CNNM2: variants seen among roughly 807,000 people sequenced by gnomAD.
CNNM2 encodes the protein cyclin and CBS domain divalent metal cation transport mediator 2.
A neutral mutation model predicts 66.9 loss-of-function variants in CNNM2; 12 were observed. That is an observed-to-expected ratio of 0.18 (90% CI 0.11 to 0.29). The LOEUF (loss-of-function observed/expected upper bound fraction) is 0.29, where lower values mean the gene tolerates loss of function less well. Among genes scored for constraint, CNNM2 ranks in the 10% least tolerant of loss-of-function variants. CNNM2 has a pLI of 1.00. For missense variants in CNNM2, 705 were observed against 1,167.7 expected (o/e 0.60, Z 5.77); for synonymous variants, 557 against 501.8 (o/e 1.11, Z -1.47).
chr10:102,996,315 T>C (rs2134249126), intron 1 of CNNM2, among the ~76,000 whole-genome samples: 1 of 152,264 alleles, frequency 6.6e-6, no homozygotes, highest in East Asian at 1.9e-4. Flanking sequence ...CCCTCTTGTA[T>C]CCCTATATTC....
rs114389504 is a variant in CNNM2, at chr10:102,941,061, C to T, written c.1621+20960C>T. 6.5e-3 allele frequency among the ~76,000 whole-genome samples: 984 copies of T among 151,992 alleles called. 8 individuals carry two copies. The highest frequency in any genetic ancestry group is 0.022 in the African/African-American group (928 of 41,440). ...GTGATACAGAATGTGTGAGCCATTG[C>T]GCCCAGCCTAGAAATACATTTTAAA... On this transcript the variant is annotated intron_variant, in intron 1 of 7. Transcript: ENST00000369878.
chr10:103,045,409 T>A (rs1171970582), intron 1 of CNNM2, among the ~76,000 whole-genome samples: 1 of 152,186 alleles, frequency 6.6e-6, no homozygotes, highest in Non-Finnish European at 1.5e-5. Flanking sequence ...AGAAGCTGAC[T>A]TAGACTGCCA....
intron 1 of CNNM2, among the ~76,000 whole-genome samples, chr10:103,037,226 C>G (rs2064957726): frequency 6.7e-6 from 1 of 148,380 alleles, no homozygotes; most frequent in African/African-American, 2.5e-5. Context: ...ATATTTAGCC[C>G]TGTGTTGGGA....
intron 1 of CNNM2, among the ~76,000 whole-genome samples, chr10:103,031,778 A>G (rs916025687): frequency 9.2e-5 from 14 of 151,442 alleles, no homozygotes; most frequent in Admixed American, 9.2e-4. Flanking sequence ...TTCCACTAGA[A>G]CCTTTTTAGG....
chr10:102,982,591 C>A (rs1372863135), intron 1 of CNNM2, among the ~76,000 whole-genome samples: 2 of 152,192 alleles, frequency 1.3e-5, no homozygotes, highest in African/African-American at 2.4e-5. Flanking sequence ...CCTGTGTAAT[C>A]AAGACTGTAA....
At chr10:102,960,023 A>T (rs2063354619) in intron 1 of CNNM2, among the ~76,000 whole-genome samples, 1 of 151,868 alleles carries the variant, frequency 6.6e-6, no homozygotes. Context: ...CCCCACTCCA[A>T]CCTGGGCGAC....
At chr10:103,037,701 A>C (rs1159919153) in intron 1 of CNNM2, among the ~76,000 whole-genome samples, 1 of 152,224 alleles carries the variant, frequency 6.6e-6, no homozygotes, top group Non-Finnish European at 1.5e-5. Context: ...TTTAGGACAA[A>C]TATAAAATAT....
At chr10:103,028,827 T>C (rs1286815478) in intron 1 of CNNM2, among the ~76,000 whole-genome samples, 366 of 123,960 alleles carry the variant, frequency 3.0e-3, no homozygotes, top group African/African-American at 8.1e-3. Flanking sequence ...TTTTTTTTTT[T>C]CTTTTTTTTT....
At chr10:102,924,877 A>G (rs1845796865) in intron 1 of CNNM2, among the ~76,000 whole-genome samples, 3 of 152,242 alleles carry the variant, frequency 2.0e-5, no homozygotes, top group Non-Finnish European at 2.9e-5. Context: ...CATACATTAA[A>G]TGATTGTAAT....
At chr10:102,933,720 A>AATTT (rs1462014517) in intron 1 of CNNM2, among the ~76,000 whole-genome samples, 7 of 152,130 alleles carry the variant, frequency 4.6e-5, no homozygotes, top group African/African-American at 1.7e-4. Context: ...ATTTTTTTTT[A>AATTT]AGACAGGGTC....
intron 1 of CNNM2, among the ~76,000 whole-genome samples, chr10:102,963,644 C>CTT (rs71019640): frequency 4.6e-5 from 7 of 151,574 alleles, no homozygotes; most frequent in East Asian, 3.9e-4. Context: ...ATTTTTCTTT[C>CTT]TTTTTTTTTA....
intron 1 of CNNM2, among the ~76,000 whole-genome samples, chr10:103,007,116 C>T (rs1490895749): frequency 3.3e-5 from 5 of 152,130 alleles, no homozygotes; most frequent in South Asian, 2.1e-4. Context: ...CATCACATAT[C>T]GGTAGGACCG....
chr10:102,941,336 G>A (rs1846426385), intron 1 of CNNM2, among the ~76,000 whole-genome samples: 1 of 152,060 alleles, frequency 6.6e-6, no homozygotes, highest in African/African-American at 2.4e-5. Flanking sequence ...TTAAACAACT[G>A]GGCTCAAGTG....
At chr10:102,930,948 G>A (rs1846043172) in intron 1 of CNNM2, among the ~76,000 whole-genome samples, 1 of 152,128 alleles carries the variant, frequency 6.6e-6, no homozygotes, top group Non-Finnish European at 1.5e-5. Context: ...CAGTTGATGG[G>A]CATTTCGATT....
chr10:103,038,647 C>T (rs1389632567), intron 1 of CNNM2, among the ~76,000 whole-genome samples: 1 of 152,168 alleles, frequency 6.6e-6, no homozygotes, highest in African/African-American at 2.4e-5. Context: ...TTCCACCAGT[C>T]AGCCTCACTG....
At chr10:102,954,750 T>C (rs1564819334) in intron 1 of CNNM2, among the ~76,000 whole-genome samples, 4 of 152,114 alleles carry the variant, frequency 2.6e-5, no homozygotes, top group South Asian at 4.1e-4. Context: ...TAAAAGGACA[T>C]TGTTAAGAAC....
intron 1 of CNNM2, among the ~76,000 whole-genome samples, chr10:102,935,216 A>T (rs1404729910): frequency 6.7e-6 from 1 of 150,254 alleles, no homozygotes; most frequent in Non-Finnish European, 1.5e-5. Flanking sequence ...CTGTAATCCT[A>T]GCGCTAACTT....
At chr10:102,954,140 T>C (rs1846946526) in intron 1 of CNNM2, among the ~76,000 whole-genome samples, 2 of 151,136 alleles carry the variant, frequency 1.3e-5, no homozygotes, top group Non-Finnish European at 2.9e-5. Context: ...TTTTTTTTTT[T>C]TTTGAGACAG....
rs1267377130 is a variant in CNNM2 at position 103,083,065 on chromosome 10, G to A, written c.*5885G>A. On this transcript the variant is annotated 3_prime_UTR_variant, in exon 8 of 8. Coordinates refer to ENST00000369878, the MANE Select transcript of CNNM2 (RefSeq NM_017649.5). ...GAGGCCCAGTGCCAACATTGCCTTG[G>A]CCCTCAAGTAAGACCCTGCTTTGTG... 6.6e-6 allele frequency: 1 copy of A among 152,098 alleles called. No individual in the cohort carries two copies. The highest frequency in any genetic ancestry group is 1.9e-4 in the East Asian group (1 of 5,202). The allele number at this position is 152,098 out of a possible 1,614,324, so 9.4% of individuals were successfully genotyped here.
Sources: allele counts gnomAD v4.1 joint callset (sites outside exome capture counted in the v4.1 genomes callset), GRCh38; gene constraint gnomAD v4.1.1; transcripts MANE v1.5; gene names NCBI Gene and HGNC (gene_info 2026-07-23, HGNC 2026-07-21).